TSPAN15: variants seen among roughly 807,000 people sequenced by gnomAD.
The protein encoded by TSPAN15 is tetraspanin 15.
Under a neutral mutation model 34.5 loss-of-function variants are expected in TSPAN15, and 20 were observed. That is an observed-to-expected ratio of 0.58 (90% CI 0.41 to 0.84). The LOEUF is 0.84. TSPAN15 is among the 40% of genes least tolerant of loss of function. The probability of loss-of-function intolerance (pLI) is 0.00; values close to 1 mark genes in which losing one functional copy is unlikely to be tolerated. For missense variants in TSPAN15, 313 were observed against 386.1 expected (o/e 0.81, Z 1.59); for synonymous variants, 155 against 153.9 (o/e 1.01, Z -0.05).
intron 5 of TSPAN15, 31 bp downstream of exon 5, chr10:69,498,427 C>A: frequency 6.4e-7 from 1 of 1,569,974 alleles, no homozygotes; most frequent in East Asian, 2.2e-5. Context: ...GACTGGGGGG[C>A]TGTCGGGGAC....
chr10:69,495,295 C>T (rs935042461), intron 3 of TSPAN15: 1 of 313,420 alleles, frequency 3.2e-6, no homozygotes, highest in African/African-American at 2.2e-5. Context: ...TGTCCCCAAG[C>T]ACGGCCCCAG....
downstream of TSPAN15, among the ~76,000 whole-genome samples, chr10:69,512,443 A>G (rs1842424291): frequency 6.6e-6 from 1 of 152,224 alleles, no homozygotes; most frequent in South Asian, 2.1e-4. Context: ...CAATTTATGG[A>G]GGTATACTGG....
chr10:69,488,427 A>G (rs1011717619), intron 3 of TSPAN15, among the ~76,000 whole-genome samples: 3 of 152,172 alleles, frequency 2.0e-5, no homozygotes, highest in East Asian at 3.9e-4. Flanking sequence ...TCTGAGCCAC[A>G]ATGTAACAAG....
At chr10:69,494,691 A>G (rs1842040072) in intron 3 of TSPAN15, 2 of 985,314 alleles carry the variant, frequency 2.0e-6, no homozygotes, top group South Asian at 9.4e-5. Context: ...CTGTTGTCCC[A>G]GCGTACGCTG....
At position 69,507,131 on chromosome 10, in the gene TSPAN15, C is replaced by T. The variant is rs1267548925; in HGVS notation, c.*153C>T. On this transcript the variant is annotated 3_prime_UTR_variant, in exon 8 of 8. Coordinates refer to ENST00000373290, the MANE Select transcript of TSPAN15 (RefSeq NM_012339.5). ...TGTGCCTGTGTGTAGGTCCCACGGC[C>T]TCTGCCTCCCCAGGGAGCAGAGCCT... The T allele has an allele frequency of 1.4e-6, 2 of 1,450,146 alleles. No homozygotes were observed. Among genetic ancestry groups the T allele is most frequent in the East Asian group, 2.5e-5 (1 of 39,244 alleles). The allele number at this position is 1,450,146 out of a possible 1,614,324, so 89.8% of individuals were successfully genotyped here. A position where few individuals can be genotyped will look rare whatever the true frequency, so the allele number is the denominator to read the frequency against.
At chr10:69,465,293 T>C (rs1392231437) in intron 1 of TSPAN15, among the ~76,000 whole-genome samples, 1 of 152,196 alleles carries the variant, frequency 6.6e-6, no homozygotes, top group Non-Finnish European at 1.5e-5. Flanking sequence ...AGAGACAAGA[T>C]GAGGGCAGGA....
the TSPAN15 span, among the ~76,000 whole-genome samples, chr10:69,539,019 G>T: frequency 6.6e-6 from 1 of 152,184 alleles, no homozygotes; most frequent in African/African-American, 2.4e-5. Flanking sequence ...GGAGTCAAAT[G>T]AAGGCTGAAA....
chr10:69,451,512 C>T lies in TSPAN15; in HGVS notation c.-83C>T. 5 of 1,278,408 alleles carry T rather than the reference C, an allele frequency of 3.9e-6. No homozygotes were observed. Among genetic ancestry groups the T allele is most frequent in the African/African-American group, 1.5e-5 (1 of 64,766 alleles). The allele number at this position is 1,278,408 out of a possible 1,614,324, so 79.2% of individuals were successfully genotyped here. A position where few individuals can be genotyped will look rare whatever the true frequency, so the allele number is the denominator to read the frequency against. The stretch of plus-strand genomic sequence containing the variant: ...GTGGCGGGGCTGGTAGCCCGGCAGC[C>T]GCAGGTGGGGCCACGAGCGCTGGCT... On this transcript the variant is annotated 5_prime_UTR_variant, in exon 1 of 8. Coordinates refer to ENST00000373290, the MANE Select transcript of TSPAN15 (RefSeq NM_012339.5).
At chr10:69,466,599 A>G (rs1251400562) in intron 1 of TSPAN15, among the ~76,000 whole-genome samples, 1 of 152,196 alleles carries the variant, frequency 6.6e-6, no homozygotes, top group Non-Finnish European at 1.5e-5. Flanking sequence ...CGAGTTAATA[A>G]TAATGCAAGT....
the TSPAN15 span, among the ~76,000 whole-genome samples, chr10:69,534,926 A>C: frequency 4.6e-5 from 7 of 151,884 alleles, no homozygotes; most frequent in Non-Finnish European, 1.0e-4. Context: ...TCGAGGCTGC[A>C]GTGAGCTGTG....
the TSPAN15 span, among the ~76,000 whole-genome samples, chr10:69,536,075 A>T: frequency 6.6e-6 from 1 of 152,184 alleles, no homozygotes; most frequent in Non-Finnish European, 1.5e-5. Flanking sequence ...CATGTACAGG[A>T]TTGAGGAAGC....
intron 1 of TSPAN15, among the ~76,000 whole-genome samples, chr10:69,469,853 G>A (rs1841468719): frequency 6.6e-6 from 1 of 152,028 alleles, no homozygotes; most frequent in Non-Finnish European, 1.5e-5. Flanking sequence ...CTAATCTCGT[G>A]GGCTTGAGCA....
At chr10:69,527,425 G>A in the TSPAN15 span, among the ~76,000 whole-genome samples, 60 of 147,212 alleles carry the variant, frequency 4.1e-4, 2 homozygotes, top group African/African-American at 1.5e-3. Context: ...GAGAAATCCT[G>A]TCTCTACTAA....
chr10:69,538,093 C>T, the TSPAN15 span, among the ~76,000 whole-genome samples: 1 of 152,102 alleles, frequency 6.6e-6, no homozygotes, highest in African/African-American at 2.4e-5. Flanking sequence ...TTGTGAGGAC[C>T]CCACCTTCAT....
intron 1 of TSPAN15, among the ~76,000 whole-genome samples, chr10:69,461,175 C>G (rs1841245843): frequency 6.6e-6 from 1 of 152,174 alleles, no homozygotes; most frequent in Non-Finnish European, 1.5e-5. Context: ...ACCCCATGTG[C>G]CTTGTCCCAT....
At chr10:69,545,866 G>T in the TSPAN15 span, among the ~76,000 whole-genome samples, 7 of 152,314 alleles carry the variant, frequency 4.6e-5, no homozygotes, top group African/African-American at 1.7e-4. Flanking sequence ...TGAGGCAGGA[G>T]AATTTCTTGA....
At position 69,498,464 on chromosome 10, in the gene TSPAN15, C is replaced by A; in HGVS notation, c.570+68C>A. On this transcript the variant is annotated intron_variant, in intron 5 of 7. Transcript: ENST00000373290. ...CCAGGTGGTATAAATGTTCTCTTTT[C>A]TCTCTTCCCAACTTGAAGATGGGTG... 2.1e-5 allele frequency: 28 copies of A among 1,317,346 alleles called. No homozygotes were observed. In the South Asian group the frequency reaches 3.1e-4, roughly 15 times the overall value. The allele number at this position is 1,317,346 out of a possible 1,614,324, so 81.6% of individuals were successfully genotyped here.
At chr10:69,490,407 A>G (rs1841943355) in intron 3 of TSPAN15, among the ~76,000 whole-genome samples, 2 of 151,680 alleles carry the variant, frequency 1.3e-5, no homozygotes, top group Admixed American at 1.3e-4. Context: ...AAATTGCAAC[A>G]CTCCTAGATT....
At chr10:69,519,686 A>G in the TSPAN15 span, among the ~76,000 whole-genome samples, 1 of 151,932 alleles carries the variant, frequency 6.6e-6, no homozygotes, top group African/African-American at 2.4e-5. Context: ...TTTTTGGTGA[A>G]TTTTTTTTAT....
Sources: allele counts gnomAD v4.1 joint callset (sites outside exome capture counted in the v4.1 genomes callset), GRCh38; gene constraint gnomAD v4.1.1; transcripts MANE v1.5; gene names NCBI Gene and HGNC (gene_info 2026-07-23, HGNC 2026-07-21).